Variants in ELMO1 observed in about 807,000 individuals in gnomAD.
ELMO1 encodes the protein engulfment and cell motility protein 1.
In ELMO1, 26 loss-of-function variants were observed where a neutral mutation model predicts 98.9. That is an observed-to-expected ratio of 0.26 (90% CI 0.19 to 0.36). The LOEUF (loss-of-function observed/expected upper bound fraction) is 0.36. Ranked by LOEUF, ELMO1 falls within the 10% of genes least tolerant of loss-of-function variation. The pLI is 1.00. For missense variants in ELMO1, 627 were observed against 935.2 expected (o/e 0.67, Z 4.30); for synonymous variants, 346 against 346.0 (o/e 1.00, Z 0.00).
chr7:37,234,828 A>G (rs879747104), intron 7 of ELMO1, among the ~76,000 whole-genome samples: 10 of 152,244 alleles, frequency 6.6e-5, no homozygotes, highest in Non-Finnish European at 1.2e-4. Context: ...CTCACTATGC[A>G]AAAGTGAGAT....
At chr7:37,315,284 T>C (rs944543444) in intron 3 of ELMO1, among the ~76,000 whole-genome samples, 4 of 152,210 alleles carry the variant, frequency 2.6e-5, no homozygotes, top group African/African-American at 4.8e-5. Flanking sequence ...TTTTTGAAAG[T>C]TGGCACATTT....
chr7:36,977,063 A>T lies in ELMO1; in HGVS notation c.1437+36236T>A, dbSNP rs1790615848. Among the ~76,000 whole-genome samples the T allele has an allele frequency of 3.3e-5, 5 of 152,196 alleles. No homozygotes were observed. The South Asian group carries it at 1.0e-3, about 31-fold the overall frequency. On this transcript the variant is annotated intron_variant, in intron 16 of 21. Transcript: ENST00000310758. Reference sequence around the variant, plus strand: ...TTTGTGTCTGTTTCCTTATCTATAAAAGGGGATAAAATGCCTTTTAACACT... The same window carrying T: ...TTTGTGTCTGTTTCCTTATCTATAATAGGGGATAAAATGCCTTTTAACACT...
At chr7:36,864,651 A>C (rs1476877844) in intron 20 of ELMO1, among the ~76,000 whole-genome samples, 1 of 152,194 alleles carries the variant, frequency 6.6e-6, no homozygotes, top group Non-Finnish European at 1.5e-5. Context: ...ACCTGTCCAC[A>C]CTGTCCATGA....
chr7:36,944,534 T>C (rs1051309659), intron 16 of ELMO1, among the ~76,000 whole-genome samples: 5 of 152,246 alleles, frequency 3.3e-5, no homozygotes, highest in Admixed American at 3.3e-4. Flanking sequence ...TTCATTATTT[T>C]CTCTGCTGAG....
chr7:36,914,786 A>G (rs984837062), intron 16 of ELMO1, among the ~76,000 whole-genome samples: 2 of 152,128 alleles, frequency 1.3e-5, no homozygotes, highest in Admixed American at 1.3e-4. Flanking sequence ...TGCTGGGATT[A>G]CAGGTATGAG....
chr7:36,886,207 G>A, intron 18 of ELMO1, among the ~76,000 whole-genome samples: 1 of 152,200 alleles, frequency 6.6e-6, no homozygotes, highest in East Asian at 1.9e-4. Context: ...GGCTTTCTCT[G>A]TAACTCAGCC....
intron 14 of ELMO1, among the ~76,000 whole-genome samples, chr7:37,115,670 C>T (rs1009245288): frequency 1.9e-4 from 29 of 151,782 alleles, no homozygotes; most frequent in African/African-American, 7.0e-4. Context: ...TTGACTCTGC[C>T]CTAGGATCAG....
chr7:37,227,376 T>G (rs1219836920), intron 8 of ELMO1, among the ~76,000 whole-genome samples: 1 of 152,082 alleles, frequency 6.6e-6, no homozygotes, highest in Non-Finnish European at 1.5e-5. Flanking sequence ...ACTCTCAGTG[T>G]TTTCTTCTTT....
chr7:37,401,371 A>T (rs1321392300), intron 1 of ELMO1, among the ~76,000 whole-genome samples: 2 of 152,102 alleles, frequency 1.3e-5, no homozygotes, highest in Admixed American at 1.3e-4. Flanking sequence ...CCTTCCCCTC[A>T]CCCCTTTTCT....
chr7:37,244,871 T>A (rs1242712447), intron 6 of ELMO1, among the ~76,000 whole-genome samples: 1 of 152,188 alleles, frequency 6.6e-6, no homozygotes, highest in Admixed American at 6.5e-5. Context: ...CTGCAATCAA[T>A]CTCTTTGCAA....
intron 7 of ELMO1, among the ~76,000 whole-genome samples, chr7:37,239,651 A>G (rs975356558): frequency 1.3e-5 from 2 of 152,204 alleles, no homozygotes; most frequent in African/African-American, 4.8e-5. Flanking sequence ...TTGAGTATGG[A>G]AAGCCTTGGG....
At chr7:37,128,037 A>G (rs1786654181) in intron 14 of ELMO1, among the ~76,000 whole-genome samples, 1 of 152,140 alleles carries the variant, frequency 6.6e-6, no homozygotes, top group African/African-American at 2.4e-5. Flanking sequence ...TACTAAAAAT[A>G]CAAAAATTAG....
intron 4 of ELMO1, among the ~76,000 whole-genome samples, chr7:37,304,001 G>A (rs554975746): frequency 3.6e-4 from 55 of 151,994 alleles, no homozygotes; most frequent in African/African-American, 1.3e-3. Context: ...CTGCTCTTCC[G>A]AGCTCCCTCT....
intron 6 of ELMO1, among the ~76,000 whole-genome samples, chr7:37,249,377 C>T (rs927252048): frequency 6.6e-6 from 1 of 152,182 alleles, no homozygotes; most frequent in African/African-American, 2.4e-5. Flanking sequence ...ATAATTTATA[C>T]ACTTAATGTT....
chr7:37,182,494 G>A (rs373068187), intron 13 of ELMO1, among the ~76,000 whole-genome samples: 4 of 138,756 alleles, frequency 2.9e-5, no homozygotes, highest in East Asian at 2.1e-4. Flanking sequence ...TTTTTGAGAC[G>A]GAGTCTCGCT....
At chr7:37,247,440 C>A (rs566472030) in intron 6 of ELMO1, among the ~76,000 whole-genome samples, 3 of 152,104 alleles carry the variant, frequency 2.0e-5, no homozygotes, top group South Asian at 2.1e-4. Context: ...GCAGACAATT[C>A]GATTCTTGGA....
Position 37,416,513 on chromosome 7 carries a change from C to T in ELMO1, c.-74+32162G>A, listed in dbSNP as rs114158616. Among the ~76,000 whole-genome samples, 991 of 152,300 alleles carry T rather than the reference C, an allele frequency of 6.5e-3. 9 individuals are homozygous for T. The highest frequency in any genetic ancestry group is 0.022 in the African/African-American group (934 of 41,560). On this transcript the variant is annotated intron_variant, in intron 1 of 21. Coordinates refer to ENST00000310758, the MANE Select transcript of ELMO1 (RefSeq NM_014800.11). Reference sequence around the variant, plus strand: ...AGAGGAGCAGGCTTGTCCATGCACACGCACAGACCACAGTATGAATGATGC... The same window carrying T: ...AGAGGAGCAGGCTTGTCCATGCACATGCACAGACCACAGTATGAATGATGC...
intron 1 of ELMO1, among the ~76,000 whole-genome samples, chr7:37,393,511 TTG>T (rs1318077471): frequency 1.3e-5 from 2 of 152,222 alleles, no homozygotes; most frequent in African/African-American, 4.8e-5. Context: ...CTTTAAGCTG[TTG>T]TGTCTCTTCA....
At position 37,318,754 on chromosome 7, in the gene ELMO1, C is replaced by T. The variant is rs75640858; in HGVS notation, c.79-2794G>A. ...AATGAGTGTTACATAATGGTGGGCC[C>T]CTCCATTCTTCCATCTACCCCAATC... On this transcript the variant is annotated intron_variant, in intron 2 of 21. Coordinates refer to ENST00000310758, the MANE Select transcript of ELMO1 (RefSeq NM_014800.11). Among the ~76,000 whole-genome samples the T allele has an allele frequency of 9.2e-5, 14 of 152,268 alleles. No individual in the cohort carries two copies. The East Asian group carries it at 1.9e-3, about 21-fold the overall frequency.
Sources: allele counts gnomAD v4.1 joint callset (sites outside exome capture counted in the v4.1 genomes callset), GRCh38; gene constraint gnomAD v4.1.1; transcripts MANE v1.5; gene names NCBI Gene and HGNC (gene_info 2026-07-23, HGNC 2026-07-21).